Variants in DNAH11 observed in about 807,000 individuals in gnomAD.
DNAH11 encodes the protein axonemal beta dynein heavy chain 11.
Under a neutral mutation model 526.0 loss-of-function variants are expected in DNAH11, and 442 were observed. The ratio of observed to expected loss-of-function variants is 0.84; its 90% CI spans 0.78 to 0.91. DNAH11 has a LOEUF of 0.91. Among genes scored for constraint, DNAH11 ranks in the 40% least tolerant of loss-of-function variants. The pLI, the probability that DNAH11 is intolerant of heterozygous loss-of-function variation, is 0.00. For synonymous variants in DNAH11, 2,461 were observed against 1,935.9 expected, an observed-to-expected ratio of 1.27 and a Z score of -7.12; for missense variants, 6,989 against 5,448.7, an observed-to-expected ratio of 1.28 and a Z score of -8.90.
chr7:21,690,950 T>A (rs1460308751), intron 35 of DNAH11, 69 bp downstream of exon 35: 47 of 1,168,602 alleles, frequency 4.0e-5, no homozygotes, highest in Non-Finnish European at 5.2e-5. Context: ...GTTTGCACTG[T>A]TAAGTGGTTT....
intron 5 of DNAH11, 57 bp from the exon 6 acceptor site, chr7:21,564,129 T>C: frequency 7.6e-7 from 1 of 1,314,420 alleles, no homozygotes; most frequent in South Asian, 1.6e-5. Flanking sequence ...TAAAGTGAAT[T>C]TAGAAAAAAA....
intron 57 of DNAH11, among the ~76,000 whole-genome samples, chr7:21,781,043 G>C (rs1787921162): frequency 6.6e-6 from 1 of 152,164 alleles, no homozygotes; most frequent in South Asian, 2.1e-4. Flanking sequence ...AATTAAACTA[G>C]AAAGCATCTA....
At chr7:21,824,954 C>G (rs1790211801) in intron 65 of DNAH11, among the ~76,000 whole-genome samples, 1 of 152,266 alleles carries the variant, frequency 6.6e-6, no homozygotes, top group Admixed American at 6.5e-5. Context: ...TCATTGCAAC[C>G]TCCACCTCCC....
chr7:21,754,039 ATAGT>A (rs1478003847), intron 54 of DNAH11, among the ~76,000 whole-genome samples: 1 of 152,196 alleles, frequency 6.6e-6, no homozygotes, highest in Admixed American at 6.5e-5. Flanking sequence ...ATAGTTTATA[ATAGT>A]TGGTTGATAT....
rs1782570548 is a variant in DNAH11, at chr7:21,850,183, C to G, written c.10897-2284C>G. Among the ~76,000 whole-genome samples, 3 of 146,102 alleles carry G rather than the reference C, an allele frequency of 2.1e-5. No homozygotes were observed. In the South Asian group the frequency reaches 6.3e-4, roughly 31 times the overall value. ...CATCCTGGCTAACACGGTGAAACCC[C>G]ATCTCTACTAAAAATACAAAAAATT... is the stretch of plus-strand genomic sequence containing the variant. On this transcript the variant is annotated intron_variant, in intron 66 of 81. Transcript: ENST00000409508.
intron 8 of DNAH11, among the ~76,000 whole-genome samples, chr7:21,574,564 C>CTT (rs35535321): frequency 9.3e-4 from 115 of 123,844 alleles, no homozygotes; most frequent in African/African-American, 2.1e-3. Context: ...CCCTTCCTTC[C>CTT]TTTTTTTTTT....
At chr7:21,879,361 G>A (rs1440454953) in intron 74 of DNAH11, among the ~76,000 whole-genome samples, 1 of 152,002 alleles carries the variant, frequency 6.6e-6, no homozygotes, top group African/African-American at 2.4e-5. Flanking sequence ...GGAGGCTGAG[G>A]CAGAAGAATC....
chr7:21,750,871 G>C (rs1353740007), intron 54 of DNAH11, among the ~76,000 whole-genome samples: 1 of 152,190 alleles, frequency 6.6e-6, no homozygotes, highest in Non-Finnish European at 1.5e-5. Flanking sequence ...TAAAGGCCTG[G>C]AACATAGAGT....
intron 65 of DNAH11, among the ~76,000 whole-genome samples, chr7:21,819,712 C>T (rs1484594902): frequency 1.3e-5 from 2 of 152,028 alleles, no homozygotes; most frequent in Non-Finnish European, 2.9e-5. Flanking sequence ...CAGAAATTTC[C>T]AAAGGCTGAT....
At chr7:21,756,353 G>C (rs1031307818) in intron 54 of DNAH11, among the ~76,000 whole-genome samples, 2 of 151,734 alleles carry the variant, frequency 1.3e-5, no homozygotes, top group Admixed American at 6.6e-5. Flanking sequence ...TTCTATTTGG[G>C]GCTGTCTGTT....
intron 25 of DNAH11, among the ~76,000 whole-genome samples, chr7:21,628,573 T>C (rs1182522960): frequency 6.6e-6 from 1 of 152,168 alleles, no homozygotes; most frequent in Non-Finnish European, 1.5e-5. Context: ...CTTGGTTCTA[T>C]TGATGTGCTA....
At position 21,717,824 on chromosome 7, in the gene DNAH11, A is replaced by G; in HGVS notation, c.7033A>G (p.Asn2345Asp). The change falls in exon 43 of 82, where the codon AAT becomes GAT. Residue 2345 changes from asparagine to aspartate, a missense_variant. Transcript: ENST00000409508. ...AAGGCGGCATCAATCAGAAAAGGCC[A>G]ATTTGACTATTCTTTTTGATAAATA... is the stretch of plus-strand genomic sequence containing the variant. ...DRRRHQSEKA[N>D]LTILFDKYVP... is the part of the protein sequence containing the mutation. The G allele has an allele frequency of 1.9e-6, 3 of 1,613,884 alleles. No individual in the cohort carries two copies. The highest frequency in any genetic ancestry group is 2.5e-6 in the Non-Finnish European group (3 of 1,179,834).
chr7:21,779,039 A>G lies in DNAH11; in HGVS notation c.9418A>G (p.Lys3140Glu). The change falls in exon 57 of 82, where the codon AAG becomes GAG. Residue 3140 changes from lysine to glutamate, a missense_variant. Lys to Glu is a moderately conservative substitution (Grantham distance 56). Coordinates refer to ENST00000409508, the MANE Select transcript of DNAH11 (RefSeq NM_001277115.2). ...TCATGATGCCGAAGCTCTGATCACA[A>G]AGATCGGCCTTCAGACGGAGAAAGT... ...RNHDAEALIT[K>E]IGLQTEKVSR... is the part of the protein sequence containing the mutation. The G allele has an allele frequency of 3.7e-6, 6 of 1,613,510 alleles. No homozygotes were observed. Among genetic ancestry groups the G allele is most frequent in the Non-Finnish European group, 5.1e-6 (6 of 1,179,614 alleles).
At chr7:21,720,554 A>G (rs1027821387) in intron 43 of DNAH11, among the ~76,000 whole-genome samples, 171 bp from the exon 44 acceptor site, 4 of 151,938 alleles carry the variant, frequency 2.6e-5, no homozygotes, top group African/African-American at 9.7e-5. Context: ...CAAGTTTTCT[A>G]CTGTTAACTT....
intron 30 of DNAH11, among the ~76,000 whole-genome samples, chr7:21,663,440 G>A (rs531973088): frequency 6.6e-6 from 1 of 151,964 alleles, no homozygotes; most frequent in Non-Finnish European, 1.5e-5. Flanking sequence ...ATATTCTCAC[G>A]AAGAATGTAT....
intron 20 of DNAH11, among the ~76,000 whole-genome samples, chr7:21,609,943 C>T (rs1785449575): frequency 6.6e-6 from 1 of 152,134 alleles, no homozygotes; most frequent in African/African-American, 2.4e-5. Flanking sequence ...TTCACTAATG[C>T]TCAGAGTAGG....
chr7:21,818,448 G>C (rs531875958), intron 65 of DNAH11, 109 bp downstream of exon 65: 3 of 1,283,360 alleles, frequency 2.3e-6, no homozygotes, highest in East Asian at 2.6e-5. Context: ...TGATATTTCT[G>C]AGTTTCCATT....
At chr7:21,868,254 A>G (rs908243905) in intron 72 of DNAH11, among the ~76,000 whole-genome samples, 6 of 152,124 alleles carry the variant, frequency 3.9e-5, no homozygotes, top group African/African-American at 7.2e-5. Context: ...TTTTGACTGT[A>G]TGAGGGCCAG....
rs770554220 is a variant in DNAH11, at chr7:21,690,752, C to G, written c.5925-13C>G. The G allele has an allele frequency of 1.2e-5, 19 of 1,579,496 alleles. No homozygotes were observed. Among genetic ancestry groups the G allele is most frequent in the African/African-American group, 1.4e-5 (1 of 74,056 alleles). On this transcript the variant is annotated splice_polypyrimidine_tract_variant and intron_variant, in intron 34 of 81. Coordinates refer to ENST00000409508, the MANE Select transcript of DNAH11 (RefSeq NM_001277115.2). ...GAACACATTTAATTTCATCAACATTCTTTTTATGGTAGATTTGTATTTCTT... is the reference window on the plus strand; with the variant it reads ...GAACACATTTAATTTCATCAACATTGTTTTTATGGTAGATTTGTATTTCTT...
Sources: allele counts gnomAD v4.1 joint callset (sites outside exome capture counted in the v4.1 genomes callset), GRCh38; gene constraint gnomAD v4.1.1; transcripts MANE v1.5; gene names NCBI Gene and HGNC (gene_info 2026-07-23, HGNC 2026-07-21).